C18orf63: variants seen among roughly 807,000 people sequenced by gnomAD.
The protein encoded by C18orf63 is chromosome 18 open reading frame 63.
Under a neutral mutation model 75.3 loss-of-function variants are expected in C18orf63, and 50 were observed. The ratio of observed to expected loss-of-function variants is 0.66; its 90% CI spans 0.53 to 0.84. The LOEUF (loss-of-function observed/expected upper bound fraction) is 0.84. C18orf63 is among the 40% of genes least tolerant of loss of function. The pLI is 0.00. For synonymous variants in C18orf63, 232 were observed against 267.6 expected (o/e 0.87, Z 1.30); for missense variants, 732 against 800.2 (o/e 0.91, Z 1.03).
intron 7 of C18orf63, among the ~76,000 whole-genome samples, chr18:74,334,604 C>A (rs1219538498): frequency 1.3e-5 from 2 of 151,916 alleles, no homozygotes; most frequent in Non-Finnish European, 2.9e-5. Context: ...GTTTGGGGTT[C>A]TGAGATTCTG....
intron 2 of C18orf63, among the ~76,000 whole-genome samples, chr18:74,319,256 T>G (rs1469109313): frequency 6.6e-6 from 1 of 150,752 alleles, no homozygotes; most frequent in Non-Finnish European, 1.5e-5. Flanking sequence ...TCCCGGTAAT[T>G]GACAGAGAGT....
At chr18:74,330,425 T>C (rs192130546) in intron 6 of C18orf63, among the ~76,000 whole-genome samples, 41 of 152,218 alleles carry the variant, frequency 2.7e-4, no homozygotes, top group African/African-American at 9.6e-4. Flanking sequence ...CTCTAGGAGA[T>C]TTGGAATATA....
Position 74,352,902 on chromosome 18 carries a change from T to C in C18orf63, c.979-344T>C, listed in dbSNP as rs191603098. ...GGGAGAAGGTGGGACTTTGAGTATC[T>C]GAAGGAGGTCATACCTTGCTCAGTG... is the stretch of plus-strand genomic sequence containing the variant. On this transcript the variant is annotated intron_variant, in intron 11 of 13. Transcript: ENST00000579455. Among the ~76,000 whole-genome samples, 670 of 152,324 alleles carry C rather than the reference T, an allele frequency of 4.4e-3. 2 individuals are homozygous for C. In the South Asian group the frequency reaches 0.047, roughly 11 times the overall value.
At position 74,326,853 on chromosome 18, in the gene C18orf63, A is replaced by G. The variant is rs566644037; in HGVS notation, c.271-1094A>G. The stretch of plus-strand genomic sequence containing the variant: ...TCTTAATTTTTAAAATTAATTTTGT[A>G]TTATACAAATAGAGATATTCTCTTG... On this transcript the variant is annotated intron_variant, in intron 4 of 13. Coordinates refer to ENST00000579455, the MANE Select transcript of C18orf63 (RefSeq NM_001174123.2). 3.9e-5 allele frequency among the ~76,000 whole-genome samples: 6 copies of G among 152,204 alleles called. No homozygotes were observed. In the South Asian group the frequency reaches 1.2e-3, roughly 32 times the overall value.
At chr18:74,337,724 C>T (rs1399399535) in intron 7 of C18orf63, among the ~76,000 whole-genome samples, 1 of 152,128 alleles carries the variant, frequency 6.6e-6, no homozygotes, top group Non-Finnish European at 1.5e-5. Flanking sequence ...TTTTACCTCA[C>T]AACGTAACTA....
intron 6 of C18orf63, among the ~76,000 whole-genome samples, chr18:74,330,075 A>G (rs1984278754): frequency 6.6e-6 from 1 of 152,056 alleles, no homozygotes; most frequent in Non-Finnish European, 1.5e-5. Flanking sequence ...GAATGGGTTC[A>G]TTACCTACAT....
At chr18:74,341,932 A>G in intron 8 of C18orf63, 100 bp from the exon 9 acceptor site, 1 of 621,644 alleles carries the variant, frequency 1.6e-6, no homozygotes. Context: ...CTAGTGAGAT[A>G]GTTGTTGAAT....
rs946304609 is a variant in C18orf63, at chr18:74,358,866, A to G, written c.*2419A>G. 26 of 152,094 alleles carry G rather than the reference A, an allele frequency of 1.7e-4. No individual in the cohort carries two copies. Among genetic ancestry groups the G allele is most frequent in the African/African-American group, 6.0e-4 (25 of 41,516 alleles). The allele number at this position is 152,094 out of a possible 1,614,324, so 9.4% of individuals were successfully genotyped here. On this transcript the variant is annotated 3_prime_UTR_variant, in exon 14 of 14. Coordinates refer to ENST00000579455, the MANE Select transcript of C18orf63 (RefSeq NM_001174123.2). ...GCTTACTATATTTGTTTTTATTTTT[A>G]TTATATATCATAATTACACATTTTT...
At chr18:74,321,327 C>CAGG (rs1984117596) in intron 3 of C18orf63, among the ~76,000 whole-genome samples, 1 of 142,018 alleles carries the variant, frequency 7.0e-6, no homozygotes, top group Admixed American at 7.0e-5. Context: ...TTTTTTGAGA[C>CAGG]AGGATATGGC....
At chr18:74,341,004 C>T (rs1180099716) in intron 8 of C18orf63, among the ~76,000 whole-genome samples, 1 of 151,960 alleles carries the variant, frequency 6.6e-6, no homozygotes, top group East Asian at 1.9e-4. Flanking sequence ...GTGGCTCACG[C>T]CTGTAGTCCC....
In C18orf63 at chr18:74,353,804, GA is replaced by G. The variant is rs1404618501; in HGVS notation, c.1544del (p.Asn515IlefsTer8). 6.5e-6 allele frequency: 10 copies of G among 1,535,194 alleles called. No homozygotes were observed. The African/African-American group carries it at 1.2e-4, about 19-fold the overall frequency. ...LNQENSRPLQ[E>X]KNTESSENMT... is the part of the protein sequence containing the mutation. ...TCAGGAGAATTCCAGACCTCTGCAA[GA>G]AAAAAATACAGAGTCTTCTGAAAAT... On this transcript the variant is annotated frameshift_variant, in exon 12 of 14. Coordinates refer to ENST00000579455, the MANE Select transcript of C18orf63 (RefSeq NM_001174123.2). LOFTEE classifies it high-confidence loss of function.
At chr18:74,344,018 G>T (rs1314513447) in intron 11 of C18orf63, among the ~76,000 whole-genome samples, 1 of 152,070 alleles carries the variant, frequency 6.6e-6, no homozygotes, top group Non-Finnish European at 1.5e-5. Flanking sequence ...GAGATACTGT[G>T]CTGACAGTAT....
At position 74,353,930 on chromosome 18, in the gene C18orf63, T is replaced by A. The variant is rs1238913206; in HGVS notation, c.1663T>A (p.Leu555Ile). 1 of 1,536,062 alleles carries A rather than the reference T, an allele frequency of 6.5e-7. No homozygotes were observed. Among genetic ancestry groups the A allele is most frequent in the Non-Finnish European group, 8.7e-7 (1 of 1,146,844 alleles). Residue 555 changes from leucine (L) to isoleucine (I), a missense_variant, in exon 12 of 14, where the codon TTA (leucine) becomes ATA (isoleucine). This residue lies in a region of C18orf63 where 495 missense variants were observed against 508.7 expected (regional missense o/e 0.97). Coordinates refer to ENST00000579455, the MANE Select transcript of C18orf63 (RefSeq NM_001174123.2). ...SAVFVVSNNN[L>I]GVVKSAVDFQ... ...AGTATTTGTGGTGTCAAATAACAAT[T>A]TAGGGGTGGTAAAAAGTGCTGTTGA... is the stretch of plus-strand genomic sequence containing the variant.
rs1218838135 is a variant in C18orf63 at position 74,358,656 on chromosome 18, A to G, written c.*2209A>G. ...TATATTCCAATTGTGCATTAGTTTT[A>G]GAACCATTTTAATTTTAAAACCATA... On this transcript the variant is annotated 3_prime_UTR_variant, in exon 14 of 14. Transcript: ENST00000579455. 1 of 152,164 alleles carries G rather than the reference A, an allele frequency of 6.6e-6. No homozygotes were observed. The highest frequency in any genetic ancestry group is 1.5e-5 in the Non-Finnish European group (1 of 68,008). The allele number at this position is 152,164 out of a possible 1,614,324, so 9.4% of individuals were successfully genotyped here. A position where few individuals can be genotyped will look rare whatever the true frequency, so the allele number is the denominator to read the frequency against.
intron 6 of C18orf63, 109 bp downstream of exon 6, chr18:74,329,145 T>C: frequency 1.5e-6 from 1 of 666,920 alleles, no homozygotes; most frequent in East Asian, 2.8e-5. Context: ...TCCCAACGGT[T>C]TGGGAGGCCA....
rs1173700603 is a variant in C18orf63 at position 74,342,019 on chromosome 18, T to A, written c.612-13T>A. On this transcript the variant is annotated splice_polypyrimidine_tract_variant and intron_variant, in intron 8 of 13. Coordinates refer to ENST00000579455, the MANE Select transcript of C18orf63 (RefSeq NM_001174123.2). ...AGCATTGGCTCATAATAGCTTCCTC[T>A]CATTTTTCATAGTATGAAAATGGGA... 6.7e-6 allele frequency: 9 copies of A among 1,351,640 alleles called. No individual in the cohort carries two copies. Among genetic ancestry groups the A allele is most frequent in the Non-Finnish European group, 8.1e-6 (8 of 986,002 alleles). The allele number at this position is 1,351,640 out of a possible 1,614,324, so 83.7% of individuals were successfully genotyped here.
intron 8 of C18orf63, among the ~76,000 whole-genome samples, chr18:74,340,497 C>T (rs150990947): frequency 8.7e-4 from 133 of 152,318 alleles, no homozygotes; most frequent in African/African-American, 3.0e-3. Flanking sequence ...AGCAATCCCA[C>T]TGCTGGTGAT....
chr18:74,325,635 G>A (rs1349904218), intron 4 of C18orf63, among the ~76,000 whole-genome samples: 1 of 152,196 alleles, frequency 6.6e-6, no homozygotes, highest in East Asian at 1.9e-4. Context: ...GTCTTTACCT[G>A]TAATTATGAA....
intron 4 of C18orf63, among the ~76,000 whole-genome samples, chr18:74,325,981 C>T (rs971566093): frequency 2.0e-5 from 3 of 152,176 alleles, no homozygotes; most frequent in Non-Finnish European, 2.9e-5. Context: ...ATAGATTTTG[C>T]TGTATCTGGA....
Sources: allele counts gnomAD v4.1 joint callset (sites outside exome capture counted in the v4.1 genomes callset), GRCh38; gene constraint gnomAD v4.1.1; regional missense constraint gnomAD v4.1.1; transcripts MANE v1.5; gene names NCBI Gene and HGNC (gene_info 2026-07-23, HGNC 2026-07-21).